The following CEACAM21 variants were observed in gnomAD, a reference collection of about 807,000 sequenced individuals.
CEACAM21 encodes cell adhesion molecule CEACAM21.
CEACAM21 carries 38 observed loss-of-function variants against 33.2 expected under a neutral mutation model. That is an observed-to-expected ratio of 1.14 (90% CI 0.88 to 1.50). The LOEUF (loss-of-function observed/expected upper bound fraction) is 1.50, where lower values mean the gene tolerates loss of function less well. Among genes scored for constraint, CEACAM21 ranks in the 40% most tolerant of loss-of-function variants. The pLI is 0.00. For missense variants in CEACAM21, 385 were observed against 364.6 expected (o/e 1.06, Z -0.46); for synonymous variants, 156 against 143.0 (o/e 1.09, Z -0.65).
chr19:41,570,191 G>A (rs188879146), intron 2 of CEACAM21, among the ~76,000 whole-genome samples: 28 of 152,348 alleles, frequency 1.8e-4, no homozygotes, highest in African/African-American at 6.3e-4. Context: ...CAGGACTCAG[G>A]ATTTCAGATG....
upstream of CEACAM21, among the ~76,000 whole-genome samples, chr19:41,572,407 G>A (rs530961936): frequency 9.2e-5 from 14 of 152,258 alleles, no homozygotes; most frequent in African/African-American, 3.1e-4. Context: ...GCAGCCCCTG[G>A]AAGAGCAGAG....
chr19:41,578,763 C>A (rs1251675091), intron 2 of CEACAM21, among the ~76,000 whole-genome samples: 2 of 152,198 alleles, frequency 1.3e-5, no homozygotes, highest in Admixed American at 6.5e-5. Context: ...CCTTCCCTCA[C>A]TGGACGTGAA....
chr19:41,577,248 T>C lies in CEACAM21; in HGVS notation c.113T>C (p.Ile38Thr). Reference sequence around the variant, plus strand: ...GCACCCACCACTGCCTGGCTCTTTATTGCATCAGCGCCCTTTGAAGTTGCT... The same window carrying C: ...GCACCCACCACTGCCTGGCTCTTTACTGCATCAGCGCCCTTTGAAGTTGCT... ...WNAPTTAWLF[I>T]ASAPFEVAEG... The change falls in exon 2 of 7, where the codon ATT (isoleucine) becomes ACT (threonine). Residue 38 changes from isoleucine (I) to threonine (T), a missense_variant. Physicochemically the swap from Ile to Thr is moderately conservative, Grantham distance 89. Coordinates refer to ENST00000401445, the MANE Select transcript of CEACAM21 (RefSeq NM_001098506.4). 1 of 1,614,174 alleles carries C rather than the reference T, an allele frequency of 6.2e-7. No individual in the cohort carries two copies. The highest frequency in any genetic ancestry group is 1.1e-5 in the South Asian group (1 of 91,064).
At chr19:41,555,181 T>C (rs1555785243) in intron 1 of CEACAM21, 1 of 152,046 alleles carries the variant, frequency 6.6e-6, no homozygotes, top group Non-Finnish European at 1.5e-5. Flanking sequence ...CTGGCAATTT[T>C]TATTATTGAC....
chr19:41,573,586 A>C (rs2042747101), upstream of CEACAM21, among the ~76,000 whole-genome samples: 1 of 152,254 alleles, frequency 6.6e-6, no homozygotes, highest in African/African-American at 2.4e-5. Context: ...CTATGAAGAC[A>C]AATAAAAGAG....
intron 1 of CEACAM21, among the ~76,000 whole-genome samples, chr19:41,559,545 A>C (rs2041743204): frequency 6.6e-6 from 1 of 152,208 alleles, no homozygotes; most frequent in Non-Finnish European, 1.5e-5. Flanking sequence ...AGGAAAAGAA[A>C]TAAATATAAA....
chr19:41,583,588 A>C (rs1242137163), intron 3 of CEACAM21, among the ~76,000 whole-genome samples: 20 of 152,230 alleles, frequency 1.3e-4, no homozygotes, highest in Non-Finnish European at 2.6e-4. Flanking sequence ...GAGAGGTCTC[A>C]CAATCATGAT....
chr19:41,556,425 A>G (rs2041529111), intron 1 of CEACAM21, among the ~76,000 whole-genome samples: 1 of 152,254 alleles, frequency 6.6e-6, no homozygotes, highest in Non-Finnish European at 1.5e-5. Context: ...ACAGGAGGCA[A>G]AAGAGAAAAT....
At chr19:41,582,755 G>A (rs2043507748) in intron 3 of CEACAM21, among the ~76,000 whole-genome samples, 1 of 152,194 alleles carries the variant, frequency 6.6e-6, no homozygotes, top group Non-Finnish European at 1.5e-5. Flanking sequence ...GCCGCACACA[G>A]CAGGGGAGCC....
chr19:41,570,699 C>T lies in CEACAM21; in HGVS notation c.-404+5643C>T, dbSNP rs555875566. 1.2e-4 allele frequency among the ~76,000 whole-genome samples: 18 copies of T among 152,306 alleles called. No individual in the cohort carries two copies. In the South Asian group the frequency reaches 3.5e-3, roughly 30 times the overall value. ...CTGAGGTCTGTCCAGGAGCTGCTCCCTGAGCAAATCTAGAGCGTGGAGGGC... is the reference window on the plus strand; with the variant it reads ...CTGAGGTCTGTCCAGGAGCTGCTCCTTGAGCAAATCTAGAGCGTGGAGGGC... On this transcript the variant is annotated intron_variant, in intron 2 of 7. Transcript: ENST00000407170.
At chr19:41,557,390 G>A (rs2041600327) in intron 1 of CEACAM21, among the ~76,000 whole-genome samples, 1 of 152,106 alleles carries the variant, frequency 6.6e-6, no homozygotes, top group Admixed American at 6.5e-5. Flanking sequence ...TTTACCCCAA[G>A]CCTTTGTTCC....
chr19:41,577,734 T>C (rs1405919597), intron 2 of CEACAM21, among the ~76,000 whole-genome samples, 175 bp downstream of exon 2: 1 of 152,204 alleles, frequency 6.6e-6, no homozygotes, highest in Non-Finnish European at 1.5e-5. Context: ...TCAGAATTCC[T>C]TTCCCTTATC....
At chr19:41,575,698 G>C (rs2088306679), upstream of CEACAM21, among the ~76,000 whole-genome samples, 1 of 152,066 alleles carries the variant, frequency 6.6e-6, no homozygotes, top group African/African-American at 2.4e-5. Flanking sequence ...AGACCTCCAG[G>C]CCTGGGTCTC....
chr19:41,567,154 T>C (rs1555788505), intron 2 of CEACAM21, among the ~76,000 whole-genome samples: 1 of 152,130 alleles, frequency 6.6e-6, no homozygotes, highest in Non-Finnish European at 1.5e-5. Flanking sequence ...TAAGGAAACA[T>C]ATAAAAGAAG....
At chr19:41,571,573 ATGTCATTAGGAAGGAATGTC>A (rs1290129661), upstream of CEACAM21, among the ~76,000 whole-genome samples, 1 of 152,206 alleles carries the variant, frequency 6.6e-6, no homozygotes, top group East Asian at 1.9e-4. Context: ...GCAGTCACAT[ATGTCATTAGGAAGGAATGTC>A]TTATTAAGGG....
chr19:41,571,973 A>G (rs1394413055), upstream of CEACAM21, among the ~76,000 whole-genome samples: 1 of 151,380 alleles, frequency 6.6e-6, no homozygotes, highest in African/African-American at 2.4e-5. Context: ...TTTGGTAGTC[A>G]GAAGCTTTCC....
intron 2 of CEACAM21, among the ~76,000 whole-genome samples, chr19:41,578,690 A>G (rs1213131515): frequency 2.0e-5 from 3 of 152,110 alleles, no homozygotes; most frequent in Non-Finnish European, 4.4e-5. Context: ...GAACGAAATC[A>G]CCTGTCTCAA....
chr19:41,551,556 T>TG (rs2041200394), intron 1 of CEACAM21: 1 of 150,110 alleles, frequency 6.7e-6, no homozygotes, highest in South Asian at 2.1e-4. Context: ...ACCCGTGAAG[T>TG]GGGGGAGGAG....
chr19:41,553,386 G>A (rs1163612367), intron 1 of CEACAM21, among the ~76,000 whole-genome samples: 16 of 152,034 alleles, frequency 1.1e-4, no homozygotes, highest in East Asian at 3.8e-4. Context: ...TTACAGGAGT[G>A]AGCCACTGCA....
Sources: gnomAD v4.1 joint callset for allele counts (sites outside exome capture counted in the v4.1 genomes callset) on GRCh38, gnomAD v4.1.1 for gene constraint, MANE v1.5 for transcripts, NCBI Gene and HGNC (gene_info 2026-07-23, HGNC 2026-07-21) for gene names.